The following MAN1C1 variants were observed in gnomAD, a reference collection of about 807,000 sequenced individuals.
The protein encoded by MAN1C1 is mannosyl-oligosaccharide 1,2-alpha-mannosidase IC.
Under a neutral mutation model 71.5 loss-of-function variants are expected in MAN1C1, and 49 were observed. The ratio of observed to expected loss-of-function variants is 0.69; its 90% CI spans 0.54 to 0.87. The LOEUF is 0.87. MAN1C1 is among the 40% of genes least tolerant of loss of function. MAN1C1 has a pLI of 0.00. For synonymous variants in MAN1C1, 352 were observed against 343.7 expected (o/e 1.02, Z -0.27); for missense variants, 743 against 835.0 (o/e 0.89, Z 1.36).
rs1170700100 is a variant in MAN1C1 at position 25,711,234 on chromosome 1, G to A, written c.637+24698G>A. Among the ~76,000 whole-genome samples the A allele has an allele frequency of 1.3e-5, 2 of 152,196 alleles. No homozygotes were observed. The highest frequency in any genetic ancestry group is 2.9e-5 in the Non-Finnish European group (2 of 68,030). On this transcript the variant is annotated intron_variant, in intron 2 of 11. Coordinates refer to ENST00000374332, the MANE Select transcript of MAN1C1 (RefSeq NM_020379.4). The surrounding 1 kb of genome is among the most constrained non-coding windows in gnomAD (Gnocchi z 4.3). The stretch of plus-strand genomic sequence containing the variant: ...CTTCCTCTGCATCCTGTTGGTCAGA[G>A]TAAGTTAATTGGCCAGCCTGGACAC...
chr1:25,714,297 C>T (rs1557776425), intron 2 of MAN1C1, among the ~76,000 whole-genome samples: 1 of 152,090 alleles, frequency 6.6e-6, no homozygotes, highest in Non-Finnish European at 1.5e-5. Flanking sequence ...GAAGCACAAA[C>T]TAATACACAC....
At chr1:25,694,968 T>G (rs1275356073) in intron 2 of MAN1C1, among the ~76,000 whole-genome samples, 1 of 152,210 alleles carries the variant, frequency 6.6e-6, no homozygotes, top group African/African-American at 2.4e-5. Flanking sequence ...ATAGTAAGCC[T>G]TCACCAAACA....
intron 2 of MAN1C1, among the ~76,000 whole-genome samples, chr1:25,740,445 C>T (rs527703758): frequency 9.9e-5 from 15 of 151,534 alleles, no homozygotes; most frequent in African/African-American, 3.6e-4. Context: ...TTGTTGTTGT[C>T]GTTGTTGTTG....
rs1235073460 is a variant in MAN1C1, at chr1:25,617,002, C to T, written c.-796C>T. Among the ~76,000 whole-genome samples, 4 of 151,708 alleles carry T rather than the reference C, an allele frequency of 2.6e-5. No homozygotes were observed. The South Asian group carries it at 8.3e-4, about 31-fold the overall frequency. ...GGTGATCCCAGTGGGAGCCCCGCGCCCTGCCGAGTTCGAGGGGCGGGAGCC... is the reference window on the plus strand; with the variant it reads ...GGTGATCCCAGTGGGAGCCCCGCGCTCTGCCGAGTTCGAGGGGCGGGAGCC... On this transcript the variant is annotated 5_prime_UTR_variant, in exon 1 of 12. Transcript: ENST00000374332. The surrounding 1 kb of genome is among the most constrained non-coding windows in gnomAD (Gnocchi z 5.1).
chr1:25,748,781 C>T (rs1020342521), intron 3 of MAN1C1, among the ~76,000 whole-genome samples: 3 of 152,256 alleles, frequency 2.0e-5, no homozygotes, highest in Non-Finnish European at 2.9e-5. Flanking sequence ...GGCTGCCTGG[C>T]TCCCTCCTTC....
rs780584895 is a variant in MAN1C1, at chr1:25,618,338, G to T, written c.540+1G>T. On this transcript the variant is annotated splice_donor_variant, in intron 1 of 11. Transcript: ENST00000374332. LOFTEE classifies it high-confidence loss of function. ...AGCCCAGCGGGAGAAAATCAAGGAG[G>T]TATGGACTCAGCCCCCAAACTCCTC... 5.0e-6 allele frequency: 8 copies of T among 1,595,938 alleles called. No individual in the cohort carries two copies. The highest frequency in any genetic ancestry group is 6.8e-6 in the Non-Finnish European group (8 of 1,173,804).
At chr1:25,675,075 T>C (rs1320520889) in intron 1 of MAN1C1, among the ~76,000 whole-genome samples, 1 of 152,178 alleles carries the variant, frequency 6.6e-6, no homozygotes, top group Non-Finnish European at 1.5e-5. Context: ...TGCTTTTTAT[T>C]GATTGATTGA....
intron 1 of MAN1C1, among the ~76,000 whole-genome samples, chr1:25,658,269 G>A (rs2045796837): frequency 6.6e-6 from 1 of 152,240 alleles, no homozygotes; most frequent in African/African-American, 2.4e-5. Flanking sequence ...CAGCTTGAAA[G>A]TGGCAGTGTC....
At chr1:25,655,948 G>C (rs72662652) in intron 1 of MAN1C1, among the ~76,000 whole-genome samples, 2,437 of 152,106 alleles carry the variant, frequency 0.016, 30 homozygotes, top group Non-Finnish European at 0.023. Flanking sequence ...TGCAGGCCCT[G>C]GACTGGGGGT....
intron 2 of MAN1C1, among the ~76,000 whole-genome samples, chr1:25,739,983 T>A (rs1449638590): frequency 9.9e-5 from 15 of 152,170 alleles, no homozygotes; most frequent in Admixed American, 9.8e-4. Flanking sequence ...GGCCTTTCTT[T>A]CATTCCTAAA....
intron 2 of MAN1C1, among the ~76,000 whole-genome samples, chr1:25,729,277 CT>C: frequency 6.6e-6 from 1 of 152,348 alleles, no homozygotes; most frequent in African/African-American, 2.4e-5. Context: ...AATGTCCCCC[CT>C]GTTGCTCTCC....
intron 2 of MAN1C1, among the ~76,000 whole-genome samples, chr1:25,691,674 C>T (rs144879908): frequency 5.4e-4 from 83 of 152,338 alleles, no homozygotes; most frequent in African/African-American, 2.0e-3. Context: ...GACTTCAGGG[C>T]TTTCCCAGCC....
intron 2 of MAN1C1, among the ~76,000 whole-genome samples, chr1:25,721,213 C>G (rs1192818925): frequency 6.6e-6 from 1 of 152,044 alleles, no homozygotes; most frequent in Non-Finnish European, 1.5e-5. Flanking sequence ...TCTCAAACTC[C>G]TAGCTTCAAG....
chr1:25,738,676 C>T (rs1195577745), intron 2 of MAN1C1, among the ~76,000 whole-genome samples: 2 of 152,140 alleles, frequency 1.3e-5, no homozygotes, highest in African/African-American at 2.4e-5. Flanking sequence ...TTGAGTCATG[C>T]GTTGCAATTG....
chr1:25,625,032 G>T (rs2045273508), intron 1 of MAN1C1, among the ~76,000 whole-genome samples: 1 of 125,860 alleles, frequency 7.9e-6, no homozygotes, highest in Admixed American at 8.8e-5. Flanking sequence ...TTGAGATGGA[G>T]TCTTGCTCTG....
At position 25,656,828 on chromosome 1, in the gene MAN1C1, C is replaced by CT. The variant is rs34652808; in HGVS notation, c.541-29597dup. Among the ~76,000 whole-genome samples, 1,209 of 140,782 alleles carry CT rather than the reference C, an allele frequency of 8.6e-3. 14 individuals carry two copies. Among genetic ancestry groups the CT allele is most frequent in the African/African-American group, 0.023 (887 of 38,408 alleles). 92.4% of individuals were successfully genotyped at this position (140,782 alleles called of 152,430 possible). A position where few individuals can be genotyped will look rare whatever the true frequency, so the allele number is the denominator to read the frequency against. On this transcript the variant is annotated intron_variant, in intron 1 of 11. Transcript: ENST00000374332. ...ATGGAAAGATAGACCAACCTTGCGT[C>CT]TTTTTTTTTTTTTTTGAGATGGAAT...
At chr1:25,755,883 C>T (rs1307851031) in intron 5 of MAN1C1, among the ~76,000 whole-genome samples, 1 of 152,208 alleles carries the variant, frequency 6.6e-6, no homozygotes, top group Non-Finnish European at 1.5e-5. Flanking sequence ...ATCAGAGCTT[C>T]CTGCTGGCCC....
intron 3 of MAN1C1, among the ~76,000 whole-genome samples, chr1:25,747,072 C>T (rs1253837141): frequency 6.6e-6 from 1 of 152,218 alleles, no homozygotes; most frequent in Non-Finnish European, 1.5e-5. Context: ...ATCTGGGGCA[C>T]ATTGCTTCCA....
At chr1:25,667,345 G>A (rs1481101718) in intron 1 of MAN1C1, among the ~76,000 whole-genome samples, 10 of 151,876 alleles carry the variant, frequency 6.6e-5, no homozygotes, top group South Asian at 4.2e-4. Context: ...TTAGCCAGGC[G>A]TGGTGGCAGG....
Sources: gnomAD v4.1 joint callset for allele counts (sites outside exome capture counted in the v4.1 genomes callset) on GRCh38, gnomAD v4.1.1 for gene constraint, Gnocchi (gnomAD v3.1) non-coding constraint, MANE v1.5 for transcripts, NCBI Gene and HGNC (gene_info 2026-07-23, HGNC 2026-07-21) for gene names.